RANBP2: variants seen among roughly 807,000 people sequenced by gnomAD.
RANBP2 encodes E3 SUMO-protein ligase RanBP2.
In RANBP2, 57 loss-of-function variants were observed where a neutral mutation model predicts 303.6. That is an observed-to-expected ratio of 0.19 (90% CI 0.15 to 0.23). The LOEUF (loss-of-function observed/expected upper bound fraction) is 0.23. Among genes scored for constraint, RANBP2 ranks in the 10% least tolerant of loss-of-function variants. RANBP2 has a pLI of 1.00. For synonymous variants in RANBP2, 1,167 were observed against 1,301.5 expected (o/e 0.90, Z 2.23); for missense variants, 3,138 against 3,780.8 (o/e 0.83, Z 4.46).
chr2:109,498,233 A>T, the RANBP2 span, among the ~76,000 whole-genome samples: 1 of 152,118 alleles, frequency 6.6e-6, no homozygotes, highest in Non-Finnish European at 1.5e-5. Flanking sequence ...ACCATCGTGC[A>T]CCCGTAGATG....
At chr2:109,724,224 T>C in the RANBP2 span, among the ~76,000 whole-genome samples, 81,797 of 151,960 alleles carry the variant, frequency 0.54, 24,614 homozygotes, top group East Asian at 0.66. Context: ...TTTGTTCTTT[T>C]TGCTTAGGAT....
the RANBP2 span, among the ~76,000 whole-genome samples, chr2:109,231,978 T>C: frequency 1.3e-5 from 2 of 152,378 alleles, no homozygotes; most frequent in Non-Finnish European, 2.9e-5. Context: ...TAGAATATTT[T>C]ATCCTTTTTA....
At chr2:109,670,146 C>A in the RANBP2 span, among the ~76,000 whole-genome samples, 2 of 152,284 alleles carry the variant, frequency 1.3e-5, no homozygotes, top group South Asian at 4.1e-4. Context: ...GCAGAAGAGC[C>A]TGGAATGGTG....
chr2:109,581,376 G>T, the RANBP2 span, among the ~76,000 whole-genome samples: 85 of 152,100 alleles, frequency 5.6e-4, no homozygotes, highest in African/African-American at 2.0e-3. Context: ...GGCGGAGGTT[G>T]CAGTGAGCCG....
the RANBP2 span, among the ~76,000 whole-genome samples, chr2:109,582,797 CCAAGACAGCATGGTTGTGGTATAAAAA>C: frequency 3.9e-5 from 6 of 152,224 alleles, no homozygotes; most frequent in African/African-American, 1.4e-4. Flanking sequence ...GCTACAGTAA[CCAAGACAGCATGGTTGTGGTATAAAAA>C]CAGACAAATA....
the RANBP2 span, chr2:108,794,585 G>A: frequency 3.1e-6 from 5 of 1,613,974 alleles, no homozygotes; most frequent in Admixed American, 1.7e-5. Context: ...CGGACTGAGT[G>A]TTGTAGTGAT....
chr2:109,374,685 A>G, the RANBP2 span, among the ~76,000 whole-genome samples: 1 of 152,300 alleles, frequency 6.6e-6, no homozygotes, highest in East Asian at 1.9e-4. Flanking sequence ...CTAAGAGGAT[A>G]TCTTCTTTCA....
chr2:109,141,253 C>G, the RANBP2 span, among the ~76,000 whole-genome samples: 1 of 152,204 alleles, frequency 6.6e-6, no homozygotes, highest in Admixed American at 6.5e-5. Context: ...CACTCTTCCC[C>G]TCTGTGGGCC....
chr2:109,664,563 C>T, the RANBP2 span, among the ~76,000 whole-genome samples: 1 of 151,940 alleles, frequency 6.6e-6, no homozygotes, highest in African/African-American at 2.4e-5. Context: ...CAGACCACAC[C>T]ATTGCACTCC....
chr2:108,735,910 A>G (rs1038614071), intron 5 of RANBP2, 148 bp downstream of exon 5: 3 of 1,504,326 alleles, frequency 2.0e-6, no homozygotes, highest in East Asian at 2.3e-5. Context: ...AGGATCAGTT[A>G]AATTTATAAT....
the RANBP2 span, among the ~76,000 whole-genome samples, chr2:108,827,474 T>A: frequency 6.6e-6 from 1 of 152,156 alleles, no homozygotes; most frequent in Non-Finnish European, 1.5e-5. Flanking sequence ...GATAGGAAGA[T>A]TTATTATGAC....
chr2:109,061,163 G>A, the RANBP2 span, among the ~76,000 whole-genome samples: 26,637 of 151,792 alleles, frequency 0.18, 2,394 homozygotes, highest in African/African-American at 0.21. Flanking sequence ...TCAGTCACTT[G>A]CTGTTGTCCA....
At chr2:108,869,921 C>G in the RANBP2 span, among the ~76,000 whole-genome samples, 5 of 152,002 alleles carry the variant, frequency 3.3e-5, no homozygotes, top group Non-Finnish European at 7.4e-5. Flanking sequence ...CTGGCTCATC[C>G]AAAGGAACAA....
Position 108,740,533 on chromosome 2 carries a change from A to C in RANBP2, c.827A>C (p.Asp276Ala). ...TCTGTGAAATCTTTGGGTGGAAATG[A>C]TGAACTGTCAGCTACTTTCTTAGAA... Reference protein sequence around the residue: ...LQSVKSLGGNDELSATFLEMK... With the variant: ...LQSVKSLGGNAELSATFLEMK... Residue 276 changes from aspartate to alanine, a missense_variant, in exon 7 of 29, where the codon GAT becomes GCT. By Grantham distance (126) the Asp-to-Ala change is moderately radical. Coordinates refer to ENST00000283195, the MANE Select transcript of RANBP2 (RefSeq NM_006267.5). 6.3e-7 allele frequency: 1 copy of C among 1,597,552 alleles called. No homozygotes were observed. Among genetic ancestry groups the C allele is most frequent in the South Asian group, 1.1e-5 (1 of 90,992 alleles).
intron 1 of RANBP2, among the ~76,000 whole-genome samples, chr2:108,725,267 G>A (rs530902458): frequency 2.2e-4 from 34 of 152,314 alleles, no homozygotes; most frequent in Admixed American, 2.0e-3. Flanking sequence ...TTTAAACAAG[G>A]CATTTACCTG....
chr2:109,685,643 G>A, the RANBP2 span, among the ~76,000 whole-genome samples: 6 of 152,344 alleles, frequency 3.9e-5, 1 homozygote, highest in African/African-American at 1.4e-4. Context: ...GCAGCCCCAT[G>A]AGATCAACAG....
the RANBP2 span, among the ~76,000 whole-genome samples, chr2:109,589,164 A>ACC: frequency 6.6e-6 from 1 of 151,600 alleles, no homozygotes; most frequent in Non-Finnish European, 1.5e-5. Flanking sequence ...CTTTTTTGAG[A>ACC]TGGAGTCTCA....
chr2:108,956,697 T>C, the RANBP2 span, among the ~76,000 whole-genome samples: 4,495 of 152,308 alleles, frequency 0.03, 138 homozygotes, highest in African/African-American at 0.078. Flanking sequence ...ATTTGGGTTA[T>C]GATTCATTTT....
the RANBP2 span, among the ~76,000 whole-genome samples, chr2:109,343,695 T>A: frequency 6.6e-6 from 1 of 151,340 alleles, no homozygotes; most frequent in Non-Finnish European, 1.5e-5. Flanking sequence ...TGGCCAGGCG[T>A]ACAATCTCCA....
Sources: allele counts gnomAD v4.1 joint callset (sites outside exome capture counted in the v4.1 genomes callset), GRCh38; gene constraint gnomAD v4.1.1; transcripts MANE v1.5; gene names NCBI Gene and HGNC (gene_info 2026-07-23, HGNC 2026-07-21).